GSK3B: variants seen among roughly 807,000 people sequenced by gnomAD.
The protein encoded by GSK3B is glycogen synthase kinase 3 beta, also known as glycogen synthase kinase-3 beta.
A neutral mutation model predicts 56.4 loss-of-function variants in GSK3B; 15 were observed. The ratio of observed to expected loss-of-function variants is 0.27; its 90% confidence interval spans 0.18 to 0.41. GSK3B has a LOEUF of 0.41. Ranked by LOEUF, GSK3B falls within the 10% of genes least tolerant of loss-of-function variation. The pLI is 1.00. For synonymous variants in GSK3B, 181 were observed against 188.9 expected, an observed-to-expected ratio of 0.96 and a Z score of 0.34; for missense variants, 300 against 513.4, an observed-to-expected ratio of 0.58 and a Z score of 4.02.
At chr3:120,061,924 G>C (rs1481858536) in intron 1 of GSK3B, among the ~76,000 whole-genome samples, 1 of 151,916 alleles carries the variant, frequency 6.6e-6, no homozygotes, top group East Asian at 1.9e-4. Context: ...TAGAGACGGG[G>C]TTTCTCCATG....
chr3:119,849,048 A>G (rs1034895553), intron 9 of GSK3B, among the ~76,000 whole-genome samples: 1 of 152,214 alleles, frequency 6.6e-6, no homozygotes, highest in Admixed American at 6.5e-5. Flanking sequence ...ATAATCTTAT[A>G]TGCAGGAAAG....
intron 2 of GSK3B, among the ~76,000 whole-genome samples, chr3:119,976,855 T>C (rs963481170): frequency 6.6e-6 from 1 of 150,620 alleles, no homozygotes; most frequent in African/African-American, 2.4e-5. Flanking sequence ...GCTTTTGGCC[T>C]TACCTCAGAT....
chr3:120,058,712 G>A (rs917885160), intron 1 of GSK3B, among the ~76,000 whole-genome samples: 1 of 152,040 alleles, frequency 6.6e-6, no homozygotes, highest in Non-Finnish European at 1.5e-5. Context: ...TGAGGACTGT[G>A]TCAAAAGAAT....
chr3:119,907,672 A>G (rs908227832), intron 6 of GSK3B, among the ~76,000 whole-genome samples: 13 of 152,196 alleles, frequency 8.5e-5, no homozygotes, highest in East Asian at 1.9e-4. Context: ...ATTTTGTTTC[A>G]TATTTAACTC....
chr3:120,033,789 C>T (rs1339707870), intron 1 of GSK3B, among the ~76,000 whole-genome samples: 2 of 151,244 alleles, frequency 1.3e-5, no homozygotes, highest in African/African-American at 4.9e-5. Context: ...TGCTCGCTCG[C>T]TCTCTCTCTC....
chr3:119,995,543 C>A (rs2057608085), intron 2 of GSK3B, among the ~76,000 whole-genome samples: 1 of 151,642 alleles, frequency 6.6e-6, no homozygotes, highest in Admixed American at 6.6e-5. Context: ...CAGCTCACTG[C>A]AACCTCCGCT....
intron 1 of GSK3B, among the ~76,000 whole-genome samples, chr3:120,021,265 G>C (rs1278581879): frequency 6.6e-6 from 1 of 151,874 alleles, no homozygotes; most frequent in Non-Finnish European, 1.5e-5. Flanking sequence ...CAGCACTTTG[G>C]GAGGCCGAGG....
At chr3:119,854,471 C>T (rs893544180) in intron 9 of GSK3B, among the ~76,000 whole-genome samples, 6 of 152,206 alleles carry the variant, frequency 3.9e-5, no homozygotes, top group Admixed American at 1.3e-4. Flanking sequence ...TTTCTATTGA[C>T]TGGAATAGTT....
intron 1 of GSK3B, among the ~76,000 whole-genome samples, chr3:120,035,249 T>C (rs2058012413): frequency 6.6e-6 from 1 of 152,112 alleles, no homozygotes; most frequent in Non-Finnish European, 1.5e-5. Flanking sequence ...ACTTTAGTGA[T>C]CTACAAGCCA....
In GSK3B at chr3:119,823,613, G is replaced by A. The variant is rs762123336; in HGVS notation, c.*3175C>T. On this transcript the variant is annotated 3_prime_UTR_variant, in exon 11 of 11. Coordinates refer to ENST00000264235, the MANE Select transcript of GSK3B (RefSeq NM_001146156.2). ...GAGACGAGCAAAATTTAATCTATTC[G>A]ATATCCTCCAGCTCTAGGGCTCCCT... 1.1e-5 allele frequency: 2 copies of A among 183,918 alleles called. No individual in the cohort carries two copies. Among genetic ancestry groups the A allele is most frequent in the Non-Finnish European group, 1.2e-5 (1 of 86,738 alleles). The allele number at this position is 183,918 out of a possible 1,614,324, so 11.4% of individuals were successfully genotyped here.
intron 4 of GSK3B, among the ~76,000 whole-genome samples, chr3:119,919,540 A>C (rs559467471): frequency 6.6e-6 from 1 of 151,866 alleles, no homozygotes; most frequent in African/African-American, 2.4e-5. Context: ...AAGAAAAAAA[A>C]AAAAAAGAAA....
Position 120,068,624 on chromosome 3 carries a change from C to A in GSK3B, c.88+24723G>T, listed in dbSNP as rs943888811. On this transcript the variant is annotated intron_variant, in intron 1 of 10. Coordinates refer to ENST00000264235, the MANE Select transcript of GSK3B (RefSeq NM_001146156.2). The stretch of plus-strand genomic sequence containing the variant: ...CTGAGGCAGAAGAATCACTTGAATC[C>A]GGGAGGCGGAGGTTGCAGTGAGCTG... Among the ~76,000 whole-genome samples the A allele has an allele frequency of 6.0e-5, 8 of 133,384 alleles. No individual in the cohort carries two copies. In the South Asian group the frequency reaches 9.8e-4, roughly 16 times the overall value. The allele number at this position is 133,384 out of a possible 152,430, so 87.5% of individuals were successfully genotyped here.
intron 10 of GSK3B, among the ~76,000 whole-genome samples, chr3:119,829,664 C>G (rs922465475): frequency 6.6e-6 from 1 of 152,244 alleles, no homozygotes; most frequent in Non-Finnish European, 1.5e-5. Context: ...AGCCTGTGAG[C>G]TTGTGACATT....
intron 1 of GSK3B, among the ~76,000 whole-genome samples, chr3:120,005,074 G>A (rs1208360529): frequency 1.3e-5 from 2 of 152,038 alleles, no homozygotes; most frequent in South Asian, 2.1e-4. Context: ...GTGTAGAGAA[G>A]AGCTTAAATG....
chr3:120,000,342 A>G (rs1038905006), intron 2 of GSK3B, among the ~76,000 whole-genome samples: 14 of 152,238 alleles, frequency 9.2e-5, no homozygotes, highest in Admixed American at 6.5e-4. Flanking sequence ...ATAACAGTAC[A>G]ATATTCAGAT....
At chr3:119,874,128 C>CA (rs2056279873) in intron 8 of GSK3B, among the ~76,000 whole-genome samples, 1 of 152,130 alleles carries the variant, frequency 6.6e-6, no homozygotes, top group African/African-American at 2.4e-5. Flanking sequence ...AACCATTCCT[C>CA]ACATTCTACT....
At chr3:119,972,436 T>A (rs1056675209) in intron 2 of GSK3B, among the ~76,000 whole-genome samples, 3 of 152,088 alleles carry the variant, frequency 2.0e-5, no homozygotes, top group Non-Finnish European at 2.9e-5. Flanking sequence ...TTTTGTTTGT[T>A]TGTTTGTTTG....
chr3:119,992,923 G>A (rs2057578596), intron 2 of GSK3B, among the ~76,000 whole-genome samples: 1 of 151,724 alleles, frequency 6.6e-6, no homozygotes, highest in Non-Finnish European at 1.5e-5. Context: ...TAAAAAGTAA[G>A]GCAACTTTTA....
chr3:120,008,622 T>G (rs923146509), intron 1 of GSK3B, among the ~76,000 whole-genome samples: 4 of 152,162 alleles, frequency 2.6e-5, no homozygotes, highest in African/African-American at 9.7e-5. Context: ...GATTCCCTAT[T>G]TAATAAATGG....
Sources: allele counts gnomAD v4.1 joint callset (sites outside exome capture counted in the v4.1 genomes callset), GRCh38; gene constraint gnomAD v4.1.1; transcripts MANE v1.5; gene names NCBI Gene and HGNC (gene_info 2026-07-23, HGNC 2026-07-21).